Variants in ADAMTSL1 observed in about 807,000 individuals in gnomAD.
The protein encoded by ADAMTSL1 is ADAMTS like 1.
Under a neutral mutation model 201.8 loss-of-function variants are expected in ADAMTSL1, and 126 were observed. That is an observed-to-expected ratio of 0.62 (90% CI 0.54 to 0.72). The LOEUF (loss-of-function observed/expected upper bound fraction) is 0.72, where lower values mean the gene tolerates loss of function less well. Ranked by LOEUF, ADAMTSL1 falls within the 30% of genes least tolerant of loss-of-function variation. ADAMTSL1 has a pLI of 0.00. For synonymous variants in ADAMTSL1, 1,121 were observed against 903.4 expected (o/e 1.24, Z -4.32); for missense variants, 2,679 against 2,277.8 (o/e 1.18, Z -3.59).
intron 2 of ADAMTSL1, among the ~76,000 whole-genome samples, chr9:18,515,248 C>G (rs1281349): frequency 1.3e-5 from 2 of 152,162 alleles, no homozygotes; most frequent in African/African-American, 4.8e-5. Context: ...GCTGCCGTCT[C>G]GAAGGGGGTG....
chr9:18,443,922 A>G (rs1046376033), intron 2 of ADAMTSL1, among the ~76,000 whole-genome samples: 17 of 152,198 alleles, frequency 1.1e-4, no homozygotes, highest in Non-Finnish European at 1.5e-5. Context: ...TTTTTTATTA[A>G]TTGGTGAAAT....
intron 1 of ADAMTSL1, among the ~76,000 whole-genome samples, chr9:18,122,379 G>A (rs1009269673): frequency 6.6e-6 from 1 of 152,158 alleles, no homozygotes; most frequent in Non-Finnish European, 1.5e-5. Flanking sequence ...AGAGTCAAGA[G>A]TTTAATACGC....
chr9:18,268,962 G>A (rs1045073860), intron 2 of ADAMTSL1, among the ~76,000 whole-genome samples: 5 of 151,944 alleles, frequency 3.3e-5, no homozygotes, highest in African/African-American at 7.3e-5. Flanking sequence ...CTCAAAGAAC[G>A]CTATTGTAAG....
chr9:18,710,518 G>T (rs1169208303), intron 14 of ADAMTSL1, among the ~76,000 whole-genome samples: 1 of 152,082 alleles, frequency 6.6e-6, no homozygotes, highest in East Asian at 1.9e-4. Flanking sequence ...CACCCCATGG[G>T]TTATTTTAAT....
Position 18,242,104 on chromosome 9 carries a change from A to C in ADAMTSL1, c.207+78123A>C, listed in dbSNP as rs111695106. The stretch of plus-strand genomic sequence containing the variant: ...TTCTCTGATGAACATTAATGTAAAA[A>C]TCCTCTATAAAATATTAGCAAACTA... On this transcript the variant is annotated intron_variant, in intron 2 of 29. Coordinates refer to the ADAMTSL1 transcript ENST00000680146. Among the ~76,000 whole-genome samples the C allele has an allele frequency of 1.1e-3, 174 of 152,250 alleles. 1 individual carries two copies. Among genetic ancestry groups the C allele is most frequent in the African/African-American group, 3.6e-3 (151 of 41,572 alleles).
intron 2 of ADAMTSL1, among the ~76,000 whole-genome samples, chr9:18,392,118 C>G (rs1299278773): frequency 1.3e-5 from 2 of 152,146 alleles, no homozygotes; most frequent in Admixed American, 1.3e-4. Flanking sequence ...GTCACTGCGA[C>G]TGGCCCTGAA....
chr9:18,367,395 C>T (rs1406936894), intron 2 of ADAMTSL1, among the ~76,000 whole-genome samples: 4 of 149,992 alleles, frequency 2.7e-5, no homozygotes, highest in Non-Finnish European at 4.4e-5. Context: ...TTTTCAGGGA[C>T]ATTTCATGAC....
At chr9:18,787,057 T>C (rs1821750493) in intron 19 of ADAMTSL1, among the ~76,000 whole-genome samples, 1 of 152,168 alleles carries the variant, frequency 6.6e-6, no homozygotes, top group African/African-American at 2.4e-5. Flanking sequence ...TAATTCTCTA[T>C]GTACAAGTCA....
intron 2 of ADAMTSL1, among the ~76,000 whole-genome samples, chr9:18,425,482 A>G (rs1392918107): frequency 6.6e-6 from 1 of 152,186 alleles, no homozygotes; most frequent in East Asian, 1.9e-4. Flanking sequence ...AAAATATCCA[A>G]GAGCACTTCA....
chr9:17,985,736 C>T (rs1049261279), intron 1 of ADAMTSL1, among the ~76,000 whole-genome samples: 1 of 152,108 alleles, frequency 6.6e-6, no homozygotes, highest in African/African-American at 2.4e-5. Context: ...ATACTCCAAT[C>T]CTTTCATTTT....
intron 1 of ADAMTSL1, among the ~76,000 whole-genome samples, chr9:18,106,832 C>T (rs1369165930): frequency 3.3e-5 from 5 of 152,152 alleles, no homozygotes; most frequent in Admixed American, 2.6e-4. Context: ...GAAAAATGGT[C>T]TAAGTTTAGA....
At chr9:18,705,930 T>G (rs1452569252) in intron 13 of ADAMTSL1, among the ~76,000 whole-genome samples, 1 of 152,108 alleles carries the variant, frequency 6.6e-6, no homozygotes. Context: ...AAAACTGAGG[T>G]CCAGCCTGGG....
intron 2 of ADAMTSL1, among the ~76,000 whole-genome samples, chr9:18,192,427 C>A (rs1829006471): frequency 6.6e-6 from 1 of 152,148 alleles, no homozygotes; most frequent in African/African-American, 2.4e-5. Context: ...AAATGTAACA[C>A]AACTTGAGCC....
intron 15 of ADAMTSL1, among the ~76,000 whole-genome samples, chr9:18,742,734 A>AC (rs1233265344): frequency 2.0e-5 from 3 of 152,164 alleles, no homozygotes; most frequent in African/African-American, 7.2e-5. Flanking sequence ...CACTCTGTAT[A>AC]AAGGAGGTAA....
chr9:18,644,729 A>T (rs1445076679), intron 7 of ADAMTSL1, among the ~76,000 whole-genome samples: 1 of 151,958 alleles, frequency 6.6e-6, no homozygotes. Context: ...ATCATTTTTT[A>T]TGGCTGCATA....
chr9:18,826,419 A>G lies in ADAMTSL1; in HGVS notation c.4070A>G (p.Asn1357Ser), dbSNP rs953431410. Residue 1357 changes from asparagine (N) to serine (S), a missense_variant, in exon 22 of 29, where the codon AAT (asparagine) becomes AGT (serine). Transcript: ENST00000380548. ...DQGLYSCRAA[N>S]LHGELTESTQ... ...GGCCTGTACTCCTGCAGGGCGGCCA[A>G]TCTTCATGGAGAGCTGACTGAGAGC... 6.2e-6 allele frequency: 10 copies of G among 1,613,696 alleles called. No homozygotes were observed. Among genetic ancestry groups the G allele is most frequent in the African/African-American group, 1.3e-5 (1 of 74,908 alleles).
intron 2 of ADAMTSL1, among the ~76,000 whole-genome samples, chr9:18,192,320 T>C (rs535522281): frequency 2.0e-4 from 30 of 152,282 alleles, no homozygotes; most frequent in African/African-American, 7.0e-4. Context: ...TAAGTTGCTC[T>C]CTGTCCTGGG....
intron 15 of ADAMTSL1, among the ~76,000 whole-genome samples, chr9:18,751,556 G>A (rs1225391449): frequency 1.3e-5 from 2 of 152,178 alleles, no homozygotes; most frequent in Non-Finnish European, 2.9e-5. Flanking sequence ...AGGTCTCATC[G>A]ATTTGCTCAT....
intron 2 of ADAMTSL1, among the ~76,000 whole-genome samples, chr9:18,376,866 T>C (rs1837319010): frequency 6.6e-6 from 1 of 152,232 alleles, no homozygotes; most frequent in African/African-American, 2.4e-5. Flanking sequence ...CACTATTTGA[T>C]TGACCACATG....
Sources: allele counts gnomAD v4.1 joint callset (sites outside exome capture counted in the v4.1 genomes callset), GRCh38; gene constraint gnomAD v4.1.1; transcripts MANE v1.5; gene names NCBI Gene and HGNC (gene_info 2026-07-23, HGNC 2026-07-21).